The following UEVLD variants were observed in gnomAD, a reference collection of about 807,000 sequenced individuals.
The protein encoded by UEVLD is ubiquitin-conjugating enzyme E2 variant 3.
Under a neutral mutation model 58.6 loss-of-function variants are expected in UEVLD, and 47 were observed. The ratio of observed to expected loss-of-function variants is 0.80; its 90% CI spans 0.63 to 1.02. The LOEUF (loss-of-function observed/expected upper bound fraction) is 1.02, where lower values mean the gene tolerates loss of function less well. Among genes scored for constraint, UEVLD ranks in the 50% least tolerant of loss-of-function variants. The pLI is 0.00. For missense variants in UEVLD, 510 were observed against 550.6 expected, an observed-to-expected ratio of 0.93 and a Z score of 0.74; for synonymous variants, 197 against 195.3, an observed-to-expected ratio of 1.01 and a Z score of -0.07.
At chr11:18,565,080 A>T (rs1249214730) in intron 5 of UEVLD, 70 bp from the exon 6 acceptor site, 2 of 1,151,426 alleles carry the variant, frequency 1.7e-6, no homozygotes, top group Non-Finnish European at 2.5e-6. Flanking sequence ...TTTAAAAAAA[A>T]TATATAGCAG....
At chr11:18,581,511 C>T (rs1296762755) in intron 1 of UEVLD, among the ~76,000 whole-genome samples, 1 of 151,824 alleles carries the variant, frequency 6.6e-6, no homozygotes, top group African/African-American at 2.4e-5. Flanking sequence ...TGGTGAAATC[C>T]CGTCTCAACT....
At chr11:18,587,673 G>A in intron 1 of UEVLD, 1 of 152,184 alleles carries the variant, frequency 6.6e-6, no homozygotes, top group Non-Finnish European at 1.5e-5. Flanking sequence ...ATGGTGGCAC[G>A]CGCCTGTAGT....
intron 4 of UEVLD, among the ~76,000 whole-genome samples, chr11:18,568,233 C>T (rs878969648): frequency 2.0e-5 from 3 of 152,180 alleles, no homozygotes; most frequent in Admixed American, 2.0e-4. Context: ...TTAAACACAA[C>T]TTTCACTAGA....
At chr11:18,533,491 T>C (rs1381732717) in intron 11 of UEVLD, among the ~76,000 whole-genome samples, 3 of 151,466 alleles carry the variant, frequency 2.0e-5, no homozygotes, top group African/African-American at 7.3e-5. Flanking sequence ...TCAGAAGAAA[T>C]TTATGGATAT....
chr11:18,580,015 C>T (rs537010564), intron 1 of UEVLD, among the ~76,000 whole-genome samples: 2 of 148,452 alleles, frequency 1.3e-5, no homozygotes, highest in East Asian at 3.9e-4. Context: ...CAACATAATC[C>T]CTATCAAAAT....
intron 2 of UEVLD, among the ~76,000 whole-genome samples, chr11:18,577,999 T>A (rs10832947): frequency 6.6e-6 from 1 of 152,202 alleles, no homozygotes; most frequent in East Asian, 1.9e-4. Flanking sequence ...CATATACATA[T>A]GATAGGCCGA....
chr11:18,534,531 A>G, intron 10 of UEVLD, 78 bp from the exon 11 acceptor site: 1 of 1,432,272 alleles, frequency 7.0e-7, no homozygotes, highest in Non-Finnish European at 9.3e-7. Context: ...TAAGGTATTA[A>G]TTAGATGTTT....
At chr11:18,538,446 T>C (rs368207988) in intron 9 of UEVLD, among the ~76,000 whole-genome samples, 2 of 151,896 alleles carry the variant, frequency 1.3e-5, no homozygotes, top group Admixed American at 1.3e-4. Flanking sequence ...CCCAAGTAGC[T>C]GGGATCACAG....
At chr11:18,545,175 C>T (rs1467527883) in intron 8 of UEVLD, among the ~76,000 whole-genome samples, 1 of 144,174 alleles carries the variant, frequency 6.9e-6, no homozygotes, top group Non-Finnish European at 1.5e-5. Context: ...CGGGTTCCAG[C>T]AATTCTCCTG....
intron 1 of UEVLD, among the ~76,000 whole-genome samples, chr11:18,581,952 T>C (rs1365369583): frequency 6.6e-6 from 1 of 152,120 alleles, no homozygotes; most frequent in Non-Finnish European, 1.5e-5. Flanking sequence ...TAAGAAATGA[T>C]CAGTATTAAC....
chr11:18,581,278 T>C (rs889912489), intron 1 of UEVLD, among the ~76,000 whole-genome samples: 4 of 151,502 alleles, frequency 2.6e-5, no homozygotes, highest in Non-Finnish European at 4.4e-5. Flanking sequence ...ATGTATACAA[T>C]AGTAAGTACA....
chr11:18,534,586 A>G (rs1850709893), intron 10 of UEVLD, 133 bp from the exon 11 acceptor site: 1 of 899,564 alleles, frequency 1.1e-6, no homozygotes, highest in Non-Finnish European at 1.6e-6. Context: ...AGGGAAGCCT[A>G]TAGATAATCT....
chr11:18,538,364 T>C (rs1277569448), intron 9 of UEVLD, among the ~76,000 whole-genome samples: 2 of 150,870 alleles, frequency 1.3e-5, no homozygotes, highest in Admixed American at 1.3e-4. Context: ...GCAACCTCCG[T>C]CTCCCAGGTT....
At chr11:18,586,672 A>G (rs979999483) in intron 1 of UEVLD, among the ~76,000 whole-genome samples, 8 of 152,122 alleles carry the variant, frequency 5.3e-5, no homozygotes, top group African/African-American at 1.7e-4. Context: ...AGGCATGAGT[A>G]ACTGTGCCTA....
intron 9 of UEVLD, among the ~76,000 whole-genome samples, chr11:18,541,609 C>A (rs1851057562): frequency 6.6e-6 from 1 of 152,070 alleles, no homozygotes; most frequent in Non-Finnish European, 1.5e-5. Flanking sequence ...AGCAGCAGGA[C>A]AACAAAAGTA....
intron 7 of UEVLD, among the ~76,000 whole-genome samples, chr11:18,554,557 T>A (rs909050165): frequency 3.3e-5 from 5 of 151,696 alleles, no homozygotes. Context: ...CCAGCATGCC[T>A]GGCTAATTTT....
At chr11:18,536,366 ATTTTTCGTTGGAT>A (rs773111359) in intron 10 of UEVLD, 27 bp downstream of exon 10, 1 of 1,587,226 alleles carries the variant, frequency 6.3e-7, no homozygotes, top group Non-Finnish European at 8.6e-7. Context: ...GAAGTAAATG[ATTTTTCGTTGGAT>A]AAATGCAAAT....
intron 8 of UEVLD, among the ~76,000 whole-genome samples, chr11:18,545,438 T>G (rs2133975899): frequency 6.6e-6 from 1 of 150,688 alleles, no homozygotes; most frequent in Non-Finnish European, 1.5e-5. Flanking sequence ...TTACTGTGTT[T>G]TGTTTGTTTG....
chr11:18,556,814 AG>A (rs1851774472), intron 7 of UEVLD, among the ~76,000 whole-genome samples: 1 of 152,066 alleles, frequency 6.6e-6, no homozygotes, highest in Non-Finnish European at 1.5e-5. Flanking sequence ...GAGATAGGGC[AG>A]GGTGCGGTGG....
Sources: gnomAD v4.1 joint callset for allele counts (sites outside exome capture counted in the v4.1 genomes callset) on GRCh38, gnomAD v4.1.1 for gene constraint, MANE v1.5 for transcripts, NCBI Gene and HGNC (gene_info 2026-07-23, HGNC 2026-07-21) for gene names.